UNC13C: variants seen among roughly 807,000 people sequenced by gnomAD.
UNC13C encodes the protein unc-13 homolog C.
A neutral mutation model predicts 245.4 loss-of-function variants in UNC13C; 174 were observed. That is an observed-to-expected ratio of 0.71 (90% confidence interval 0.63 to 0.80). The LOEUF (loss-of-function observed/expected upper bound fraction) is 0.80. Ranked by LOEUF, UNC13C falls within the 30% of genes least tolerant of loss-of-function variation. The pLI is 0.00. For synonymous variants in UNC13C, 992 were observed against 895.1 expected (o/e 1.11, Z -1.93); for missense variants, 2,829 against 2,602.9 (o/e 1.09, Z -1.89).
intron 19 of UNC13C, among the ~76,000 whole-genome samples, chr15:54,428,041 A>G (rs1027600123): frequency 1.3e-5 from 2 of 151,812 alleles, no homozygotes; most frequent in African/African-American, 2.4e-5. Flanking sequence ...GTTTTGTTTC[A>G]GCCTAGATGT....
chr15:54,235,627 C>T (rs1451247802), intron 5 of UNC13C, among the ~76,000 whole-genome samples: 3 of 152,024 alleles, frequency 2.0e-5, no homozygotes, highest in Admixed American at 6.6e-5. Flanking sequence ...CCGAGGCGGG[C>T]GGATCATGAG....
intron 29 of UNC13C, among the ~76,000 whole-genome samples, chr15:54,563,533 C>T (rs1841501458): frequency 1.3e-5 from 2 of 151,914 alleles, no homozygotes; most frequent in Admixed American, 1.3e-4. Context: ...TACTGCAGGC[C>T]ATAGAGGAAT....
At chr15:54,111,720 A>G (rs1389032787) in intron 2 of UNC13C, among the ~76,000 whole-genome samples, 2 of 152,224 alleles carry the variant, frequency 1.3e-5, no homozygotes, top group East Asian at 1.9e-4. Context: ...AAAGGATTGC[A>G]TGATTTGGGT....
intron 1 of UNC13C, among the ~76,000 whole-genome samples, chr15:53,989,641 G>T (rs553572895): frequency 6.6e-6 from 1 of 151,898 alleles, no homozygotes; most frequent in African/African-American, 2.4e-5. Context: ...CAAGTTAACC[G>T]TAATTTTAAA....
the UNC13C span, among the ~76,000 whole-genome samples, chr15:53,856,604 T>C: frequency 6.6e-6 from 1 of 152,172 alleles, no homozygotes; most frequent in South Asian, 2.1e-4. Context: ...TTTGTGGTTT[T>C]GAATAAATTT....
At chr15:54,072,432 G>C (rs546360815) in intron 2 of UNC13C, among the ~76,000 whole-genome samples, 5 of 152,144 alleles carry the variant, frequency 3.3e-5, no homozygotes, top group Non-Finnish European at 7.4e-5. Context: ...AGCTGAGGCT[G>C]TCCTTTGCAC....
intron 30 of UNC13C, among the ~76,000 whole-genome samples, chr15:54,606,551 A>T (rs1899776960): frequency 6.6e-6 from 1 of 152,242 alleles, no homozygotes; most frequent in Non-Finnish European, 1.5e-5. Flanking sequence ...CCAGAGTTTC[A>T]GAGCAAGTAC....
At chr15:54,598,073 C>T (rs1199271841) in intron 30 of UNC13C, among the ~76,000 whole-genome samples, 2 of 152,180 alleles carry the variant, frequency 1.3e-5, no homozygotes, top group African/African-American at 2.4e-5. Context: ...AAGACTCCTA[C>T]AATGAGTGAA....
At chr15:54,369,449 C>A (rs188052949) in intron 17 of UNC13C, among the ~76,000 whole-genome samples, 10 of 152,220 alleles carry the variant, frequency 6.6e-5, no homozygotes, top group Non-Finnish European at 1.0e-4. Context: ...CAACACTAAA[C>A]TTGTAAGTAA....
chr15:54,062,052 G>C (rs967225538), intron 2 of UNC13C, among the ~76,000 whole-genome samples: 2 of 152,004 alleles, frequency 1.3e-5, no homozygotes, highest in African/African-American at 4.8e-5. Context: ...GGGCGTGGTG[G>C]CTCACACCTG....
chr15:54,393,867 A>G (rs1279130666), intron 18 of UNC13C, among the ~76,000 whole-genome samples: 1 of 151,910 alleles, frequency 6.6e-6, no homozygotes, highest in African/African-American at 2.4e-5. Context: ...ATCCAACTTT[A>G]ATATTGCATA....
chr15:54,530,939 A>C lies in UNC13C; in HGVS notation c.5547-1978A>C, dbSNP rs187488554. ...ATTGAAGATTTTTAGCAAAGGAGGA[A>C]CATGATCTGGTTTTTATTTTAAAAG... On this transcript the variant is annotated intron_variant, in intron 25 of 32. Transcript: ENST00000260323. Among the ~76,000 whole-genome samples the C allele has an allele frequency of 1.5e-3, 222 of 152,256 alleles. 1 individual carries two copies. Among genetic ancestry groups the C allele is most frequent in the Middle Eastern group, 3.4e-3 (1 of 294 alleles).
At chr15:53,878,619 C>T in the UNC13C span, among the ~76,000 whole-genome samples, 3 of 151,968 alleles carry the variant, frequency 2.0e-5, no homozygotes, top group Admixed American at 2.0e-4. Flanking sequence ...GTCTGTGCTG[C>T]TGTTTGTCTA....
chr15:54,467,918 G>C (rs1892268445), intron 19 of UNC13C, among the ~76,000 whole-genome samples: 1 of 151,662 alleles, frequency 6.6e-6, no homozygotes, highest in Non-Finnish European at 1.5e-5. Flanking sequence ...GGACATGGGA[G>C]TGTAGATGTA....
chr15:53,970,716 G>A, the UNC13C span, among the ~76,000 whole-genome samples: 1 of 152,128 alleles, frequency 6.6e-6, no homozygotes, highest in East Asian at 1.9e-4. Flanking sequence ...AGGAAGAAAA[G>A]CTGAGGGATA....
chr15:53,879,971 G>GTGTGTGTATA, the UNC13C span, among the ~76,000 whole-genome samples: 1 of 151,028 alleles, frequency 6.6e-6, no homozygotes, highest in Non-Finnish European at 1.5e-5. Context: ...GTGTGTGTGT[G>GTGTGTGTATA]TATATACATA....
At chr15:54,231,498 T>TAA (rs3082381) in intron 4 of UNC13C, among the ~76,000 whole-genome samples, 2 of 42,048 alleles carry the variant, frequency 4.8e-5, no homozygotes, top group African/African-American at 2.0e-4. Context: ...TGAAGGATTC[T>TAA]GTCTTCATTT....
In UNC13C at chr15:54,290,166, T is replaced by C. The variant is rs189601847; in HGVS notation, c.3819-3729T>C. ...AACTGTACGTTTCTGACAGTTTAAA[T>C]GTGAAACATAATGACAAACTTAATA... On this transcript the variant is annotated intron_variant, in intron 10 of 32. Transcript: ENST00000260323. 3.8e-3 allele frequency among the ~76,000 whole-genome samples: 580 copies of C among 152,192 alleles called. 4 individuals carry two copies. The highest frequency in any genetic ancestry group is 0.013 in the African/African-American group (551 of 41,544).
chr15:54,330,511 T>G (rs939936153), intron 14 of UNC13C, among the ~76,000 whole-genome samples: 2 of 152,080 alleles, frequency 1.3e-5, no homozygotes, highest in East Asian at 3.9e-4. Flanking sequence ...GGCCACAGTA[T>G]GGTTGATCAG....
Sources: gnomAD v4.1 joint callset for allele counts (sites outside exome capture counted in the v4.1 genomes callset) on GRCh38, gnomAD v4.1.1 for gene constraint, MANE v1.5 for transcripts, NCBI Gene and HGNC (gene_info 2026-07-23, HGNC 2026-07-21) for gene names.